The following GABBR2 variants were observed in gnomAD, a reference collection of about 807,000 sequenced individuals.
GABBR2 encodes gamma-aminobutyric acid type B receptor subunit 2.
Under a neutral mutation model 105.6 loss-of-function variants are expected in GABBR2, and 23 were observed. That is an observed-to-expected ratio of 0.22 (90% CI 0.16 to 0.31). GABBR2 has a LOEUF of 0.31. GABBR2 is among the 10% of genes least tolerant of loss of function. The probability of loss-of-function intolerance (pLI) is 1.00; values close to 1 mark genes in which losing one functional copy is unlikely to be tolerated. For missense variants in GABBR2, 734 were observed against 1,245.5 expected (o/e 0.59, Z 6.18); for synonymous variants, 478 against 499.7 (o/e 0.96, Z 0.58).
chr9:98,451,507 C>CAGTGCCACCCA (rs1205161923), intron 7 of GABBR2, among the ~76,000 whole-genome samples: 5 of 151,012 alleles, frequency 3.3e-5, no homozygotes, highest in Non-Finnish European at 5.9e-5. Context: ...GAGCAAACCT[C>CAGTGCCACCCA]AGTGCCACCC....
intron 1 of GABBR2, among the ~76,000 whole-genome samples, chr9:98,632,045 C>T (rs1211360725): frequency 6.6e-6 from 1 of 152,216 alleles, no homozygotes; most frequent in Non-Finnish European, 1.5e-5. Context: ...AATGACTGCT[C>T]ACACCCAGCC....
At chr9:98,443,742 C>T (rs939937482) in intron 7 of GABBR2, among the ~76,000 whole-genome samples, 25 of 152,216 alleles carry the variant, frequency 1.6e-4, no homozygotes, top group Admixed American at 1.6e-3. Context: ...ACAGGCCCCA[C>T]TGTCAAGGGG....
chr9:98,488,071 C>A (rs1396698066), intron 4 of GABBR2, among the ~76,000 whole-genome samples: 3 of 152,028 alleles, frequency 2.0e-5, no homozygotes, highest in African/African-American at 7.3e-5. Flanking sequence ...GAAGGGGATG[C>A]CAGCTGAGGG....
At chr9:98,687,951 A>C (rs925495336) in intron 1 of GABBR2, among the ~76,000 whole-genome samples, 11 of 152,132 alleles carry the variant, frequency 7.2e-5, no homozygotes, top group African/African-American at 2.7e-4. Flanking sequence ...CACTGGGATC[A>C]CCTTCCCCAG....
chr9:98,565,238 G>T (rs890989054), intron 2 of GABBR2, among the ~76,000 whole-genome samples: 11 of 151,062 alleles, frequency 7.3e-5, no homozygotes, highest in African/African-American at 2.7e-4. Flanking sequence ...AAAGCTGAAG[G>T]CCTGGCACAG....
At chr9:98,680,255 T>C (rs761890946) in intron 1 of GABBR2, among the ~76,000 whole-genome samples, 42 of 152,136 alleles carry the variant, frequency 2.8e-4, no homozygotes, top group Admixed American at 5.9e-4. Context: ...AATTTCTAAG[T>C]TCACCAAATT....
At chr9:98,491,582 T>C (rs1827176347) in intron 4 of GABBR2, among the ~76,000 whole-genome samples, 1 of 152,230 alleles carries the variant, frequency 6.6e-6, no homozygotes, top group Admixed American at 6.5e-5. Context: ...TATTTACCAC[T>C]GAGTCATTCA....
chr9:98,664,154 G>A (rs1369833753), intron 1 of GABBR2, among the ~76,000 whole-genome samples: 1 of 152,172 alleles, frequency 6.6e-6, no homozygotes, highest in Non-Finnish European at 1.5e-5. Context: ...TCAGAGTTGA[G>A]CAAGGCCGAG....
At chr9:98,510,231 G>C (rs1318614952) in intron 3 of GABBR2, among the ~76,000 whole-genome samples, 1 of 152,166 alleles carries the variant, frequency 6.6e-6, no homozygotes, top group East Asian at 1.9e-4. Context: ...GAGAGATTTT[G>C]TCACCACCAG....
chr9:98,621,196 C>T (rs1829665969), intron 1 of GABBR2, among the ~76,000 whole-genome samples: 1 of 152,132 alleles, frequency 6.6e-6, no homozygotes, highest in African/African-American at 2.4e-5. Flanking sequence ...ATTATCCCCA[C>T]CTTAGAGAGG....
chr9:98,571,998 C>G (rs2131774388), intron 2 of GABBR2, among the ~76,000 whole-genome samples: 1 of 152,342 alleles, frequency 6.6e-6, no homozygotes, highest in African/African-American at 2.4e-5. Context: ...ACCCTCAGCT[C>G]TCCAATGTCT....
chr9:98,698,890 C>T (rs1022092639), intron 1 of GABBR2, among the ~76,000 whole-genome samples: 1 of 152,166 alleles, frequency 6.6e-6, no homozygotes, highest in Non-Finnish European at 1.5e-5. Flanking sequence ...ATACCCAGTT[C>T]CTGAGTTAGT....
intron 2 of GABBR2, among the ~76,000 whole-genome samples, chr9:98,557,581 T>A (rs1311752508): frequency 6.6e-6 from 1 of 152,130 alleles, no homozygotes; most frequent in East Asian, 1.9e-4. Flanking sequence ...TTCAAGAAGA[T>A]CCTCAGGGAT....
chr9:98,293,049 G>T (rs1213334873), intron 18 of GABBR2, among the ~76,000 whole-genome samples: 1 of 152,208 alleles, frequency 6.6e-6, no homozygotes, highest in East Asian at 1.9e-4. Context: ...AAATGATGCT[G>T]CAATTGGTGA....
chr9:98,398,255 G>A (rs957656078), intron 8 of GABBR2, among the ~76,000 whole-genome samples: 2 of 152,026 alleles, frequency 1.3e-5, no homozygotes, highest in Non-Finnish European at 2.9e-5. Flanking sequence ...TAACTCTGGG[G>A]TATGAAACAA....
chr9:98,492,528 C>T (rs1395685083), intron 4 of GABBR2, among the ~76,000 whole-genome samples: 1 of 151,960 alleles, frequency 6.6e-6, no homozygotes, highest in East Asian at 1.9e-4. Context: ...AGCTAACACC[C>T]ATTCTTTAAT....
chr9:98,429,233 G>C (rs543710694), intron 7 of GABBR2, among the ~76,000 whole-genome samples: 3 of 151,772 alleles, frequency 2.0e-5, no homozygotes, highest in African/African-American at 7.3e-5. Context: ...TCCACCTCCC[G>C]AGTTCAAGCG....
intron 1 of GABBR2, among the ~76,000 whole-genome samples, chr9:98,636,485 C>CTTTT (rs10559312): frequency 3.9e-4 from 26 of 66,190 alleles, no homozygotes; most frequent in East Asian, 5.3e-4. Flanking sequence ...TCTTTCCTTT[C>CTTTT]TTTTTTTTTT....
chr9:98,493,866 C>T (rs1198306212), intron 4 of GABBR2, among the ~76,000 whole-genome samples: 2 of 152,096 alleles, frequency 1.3e-5, no homozygotes, highest in East Asian at 3.9e-4. Flanking sequence ...AGAAGAGTGA[C>T]CAAGACAGAC....
Sources: allele counts gnomAD v4.1 joint callset (sites outside exome capture counted in the v4.1 genomes callset), GRCh38; gene constraint gnomAD v4.1.1; transcripts MANE v1.5; gene names NCBI Gene and HGNC (gene_info 2026-07-23, HGNC 2026-07-21).